The following ERGIC1 variants were observed in gnomAD, a reference collection of about 807,000 sequenced individuals.
The protein encoded by ERGIC1 is endoplasmic reticulum-Golgi intermediate compartment protein 1.
Under a neutral mutation model 38.3 loss-of-function variants are expected in ERGIC1, and 19 were observed. The observed-to-expected ratio is 0.50, with a 90% confidence interval of 0.35 to 0.73. The LOEUF (loss-of-function observed/expected upper bound fraction) is 0.73. Among genes scored for constraint, ERGIC1 ranks in the 30% least tolerant of loss-of-function variants. ERGIC1 has a pLI of 0.01. For missense variants in ERGIC1, 294 were observed against 389.2 expected (o/e 0.76, Z 2.06); for synonymous variants, 124 against 157.6 (o/e 0.79, Z 1.60).
rs989242394 is a variant in ERGIC1 at position 172,952,543 on chromosome 5, G to A, written c.*1727G>A. The A allele has an allele frequency of 4.7e-5, 7 of 148,670 alleles. No homozygotes were observed. The highest frequency in any genetic ancestry group is 8.9e-5 in the Non-Finnish European group (6 of 67,646). 9.2% of individuals were successfully genotyped at this position (148,670 alleles called of 1,614,324 possible). A position where few individuals can be genotyped will look rare whatever the true frequency, so the allele number is the denominator to read the frequency against. On this transcript the variant is annotated 3_prime_UTR_variant, in exon 10 of 10. Transcript: ENST00000393784. ...AAGAAAAAAAAAAAAACAACTCTGA[G>A]GACATAGGGGATGTCAGTTTCCTAT...
intron 1 of ERGIC1, among the ~76,000 whole-genome samples, chr5:172,874,084 A>AT (rs111526072): frequency 0.027 from 3,959 of 147,804 alleles, 67 homozygotes; most frequent in Middle Eastern, 0.032. Flanking sequence ...GAATCTGCAA[A>AT]TTTTTTTTTT....
At chr5:172,874,920 C>CT (rs1762106566) in intron 1 of ERGIC1, among the ~76,000 whole-genome samples, 1 of 129,858 alleles carries the variant, frequency 7.7e-6, no homozygotes, top group Non-Finnish European at 1.6e-5. Flanking sequence ...GAGACCCTGT[C>CT]TAAAAAAAAA....
At chr5:172,880,402 G>A (rs568710127) in intron 1 of ERGIC1, among the ~76,000 whole-genome samples, 1 of 151,838 alleles carries the variant, frequency 6.6e-6, no homozygotes, top group Non-Finnish European at 1.5e-5. Flanking sequence ...TCAGCTCACT[G>A]CAGCCTGGAC....
chr5:172,873,858 C>G (rs936782598), intron 1 of ERGIC1, among the ~76,000 whole-genome samples: 3 of 152,182 alleles, frequency 2.0e-5, no homozygotes, highest in African/African-American at 7.2e-5. Context: ...AATGCCAGTC[C>G]CCTTTCCCGT....
intron 1 of ERGIC1, among the ~76,000 whole-genome samples, chr5:172,875,167 A>G (rs1384276501): frequency 6.6e-6 from 1 of 152,180 alleles, no homozygotes; most frequent in East Asian, 1.9e-4. Flanking sequence ...TTTTTAGCTG[A>G]AGTAGCAGAA....
chr5:172,862,926 C>T (rs750030), intron 1 of ERGIC1, among the ~76,000 whole-genome samples: 145,145 of 152,332 alleles, frequency 0.95, 69,399 homozygotes, highest in East Asian at 1. Context: ...AGTTCTAGCA[C>T]AGAGCTATTG....
At chr5:172,939,299 A>G (rs1335385762) in intron 9 of ERGIC1, among the ~76,000 whole-genome samples, 1 of 152,142 alleles carries the variant, frequency 6.6e-6, no homozygotes, top group East Asian at 1.9e-4. Flanking sequence ...ACTGCAGGCA[A>G]ACAAGAGGGC....
At chr5:172,871,632 G>A (rs1434811465) in intron 1 of ERGIC1, among the ~76,000 whole-genome samples, 3 of 152,156 alleles carry the variant, frequency 2.0e-5, no homozygotes, top group Non-Finnish European at 4.4e-5. Context: ...AGATCAGTGT[G>A]TGGTCCACAG....
At chr5:172,845,926 G>A (rs917986123) in intron 1 of ERGIC1, among the ~76,000 whole-genome samples, 11 of 152,082 alleles carry the variant, frequency 7.2e-5, no homozygotes, top group African/African-American at 2.7e-4. Flanking sequence ...CTCTGGGTGG[G>A]GGCAGTTTCT....
chr5:172,906,961 G>A (rs1213881834), intron 3 of ERGIC1, among the ~76,000 whole-genome samples: 1 of 152,200 alleles, frequency 6.6e-6, no homozygotes, highest in South Asian at 2.1e-4. Context: ...TGCTGGTCCT[G>A]TTCCTCTTCC....
At chr5:172,905,570 C>T (rs1762996816) in intron 3 of ERGIC1, 1 of 395,180 alleles carries the variant, frequency 2.5e-6, no homozygotes, top group African/African-American at 2.1e-5. Context: ...AACCCGGGCA[C>T]TTAGCCACGC....
chr5:172,944,931 C>T (rs570370963), intron 9 of ERGIC1, among the ~76,000 whole-genome samples: 7 of 152,324 alleles, frequency 4.6e-5, no homozygotes, highest in African/African-American at 1.7e-4. Context: ...GAGCGAGTCA[C>T]CTTTGCCGCT....
intron 1 of ERGIC1, among the ~76,000 whole-genome samples, chr5:172,849,662 C>T (rs1180354527): frequency 6.6e-6 from 1 of 152,156 alleles, no homozygotes; most frequent in Non-Finnish European, 1.5e-5. Context: ...TTACGTTTTC[C>T]AGTTGATGGC....
At chr5:172,904,979 G>A (rs926972673) in intron 3 of ERGIC1, among the ~76,000 whole-genome samples, 4 of 152,224 alleles carry the variant, frequency 2.6e-5, no homozygotes, top group Non-Finnish European at 4.4e-5. Flanking sequence ...CTCTAGCCCT[G>A]CGGAGCCTGT....
intron 1 of ERGIC1, among the ~76,000 whole-genome samples, chr5:172,852,577 C>T (rs1298865686): frequency 6.6e-6 from 1 of 152,210 alleles, no homozygotes; most frequent in Admixed American, 6.5e-5. Context: ...CAGCCTTGTT[C>T]TCTACCAGGT....
intron 9 of ERGIC1, among the ~76,000 whole-genome samples, chr5:172,940,081 T>C (rs1362086191): frequency 6.6e-6 from 1 of 150,618 alleles, no homozygotes; most frequent in Non-Finnish European, 1.5e-5. Flanking sequence ...TGTCGTCATG[T>C]GGCGGCTGCG....
chr5:172,893,218 G>A (rs1022363523), intron 2 of ERGIC1, among the ~76,000 whole-genome samples: 1 of 152,016 alleles, frequency 6.6e-6, no homozygotes, highest in African/African-American at 2.4e-5. Flanking sequence ...TGTGATCTCG[G>A]CTCACTACAA....
At chr5:172,861,622 G>C (rs1761702783) in intron 1 of ERGIC1, among the ~76,000 whole-genome samples, 1 of 152,212 alleles carries the variant, frequency 6.6e-6, no homozygotes, top group African/African-American at 2.4e-5. Flanking sequence ...TGTTATTTGG[G>C]TCAAGACACC....
intron 2 of ERGIC1, among the ~76,000 whole-genome samples, chr5:172,894,951 G>C (rs1447118771): frequency 6.6e-6 from 1 of 152,234 alleles, no homozygotes; most frequent in African/African-American, 2.4e-5. Context: ...ATGTTTGGCT[G>C]TTTGTTTTAG....
Sources: gnomAD v4.1 joint callset for allele counts (sites outside exome capture counted in the v4.1 genomes callset) on GRCh38, gnomAD v4.1.1 for gene constraint, MANE v1.5 for transcripts, NCBI Gene and HGNC (gene_info 2026-07-23, HGNC 2026-07-21) for gene names.